KANK1: variants seen among roughly 807,000 people sequenced by gnomAD.
The protein encoded by KANK1 is KN motif and ankyrin repeat domain-containing protein 1.
Under a neutral mutation model 106.2 loss-of-function variants are expected in KANK1, and 109 were observed. The ratio of observed to expected loss-of-function variants is 1.03; its 90% CI spans 0.88 to 1.20. The LOEUF (loss-of-function observed/expected upper bound fraction) is 1.20. Among genes scored for constraint, KANK1 ranks in the 50% most tolerant of loss-of-function variants. KANK1 has a pLI of 0.00. For synonymous variants in KANK1, 873 were observed against 652.2 expected (o/e 1.34, Z -5.16); for missense variants, 2,399 against 1,710.7 (o/e 1.40, Z -7.10).
intron 1 of KANK1, among the ~76,000 whole-genome samples, chr9:675,927 C>A (rs1002000821): frequency 6.6e-6 from 1 of 152,156 alleles, no homozygotes; most frequent in East Asian, 1.9e-4. Flanking sequence ...GTGAGGGGTC[C>A]TCCCCTTTTT....
intron 3 of KANK1, among the ~76,000 whole-genome samples, chr9:729,341 G>A (rs1173916396): frequency 6.6e-6 from 1 of 152,186 alleles, no homozygotes; most frequent in Non-Finnish European, 1.5e-5. Flanking sequence ...GGCTGTGAGA[G>A]TTCAGGGCAA....
At chr9:653,378 C>T in intron 1 of KANK1, among the ~76,000 whole-genome samples, 1 of 152,006 alleles carries the variant, frequency 6.6e-6, no homozygotes, top group Non-Finnish European at 1.5e-5. Context: ...TTCTCACAAG[C>T]AGTTTTTAAG....
At chr9:574,581 G>A (rs922777970) in intron 1 of KANK1, among the ~76,000 whole-genome samples, 3 of 152,088 alleles carry the variant, frequency 2.0e-5, no homozygotes, top group African/African-American at 4.8e-5. Context: ...TCTCAGCCGC[G>A]CGTGGTGGCT....
intron 1 of KANK1, among the ~76,000 whole-genome samples, chr9:594,322 A>G (rs144566712): frequency 6.6e-6 from 1 of 151,950 alleles, no homozygotes; most frequent in Non-Finnish European, 1.5e-5. Flanking sequence ...CTAGGGGGAA[A>G]AGGCCAACAT....
chr9:533,173 T>C (rs2060144097), intron 1 of KANK1, among the ~76,000 whole-genome samples: 1 of 152,174 alleles, frequency 6.6e-6, no homozygotes. Flanking sequence ...AAAAAGGAGA[T>C]AATCATTAAT....
chr9:659,446 A>G (rs1350530907), intron 1 of KANK1, among the ~76,000 whole-genome samples: 2 of 152,124 alleles, frequency 1.3e-5, no homozygotes, highest in Non-Finnish European at 2.9e-5. Flanking sequence ...CAAAATTTGG[A>G]TTTCTAATAA....
rs375572005 is a variant in KANK1, at chr9:527,252, C to T, written c.-84+22498C>T. 7.9e-5 allele frequency among the ~76,000 whole-genome samples: 12 copies of T among 151,806 alleles called. No individual in the cohort carries two copies. The East Asian group carries it at 1.3e-3, about 17-fold the overall frequency. ...TCTTCCCTGGATACTATGGTATCCT[C>T]CTCCTTTGTGGTTTCTTTTGGTCTC... is the stretch of plus-strand genomic sequence containing the variant. On this transcript the variant is annotated intron_variant, in intron 1 of 11. Coordinates refer to ENST00000382297, the MANE Select transcript of KANK1 (RefSeq NM_015158.5).
chr9:726,599 A>G (rs12682774), intron 3 of KANK1, among the ~76,000 whole-genome samples: 8,192 of 151,944 alleles, frequency 0.054, 532 homozygotes, highest in East Asian at 0.19. Context: ...AGATCGCACC[A>G]CTGCACTGTA....
chr9:656,614 G>A (rs1476561919), intron 1 of KANK1, among the ~76,000 whole-genome samples: 5 of 152,094 alleles, frequency 3.3e-5, no homozygotes, highest in Non-Finnish European at 7.3e-5. Flanking sequence ...CATGGCAGAT[G>A]CCCCTACTCC....
chr9:618,499 T>C (rs115500560), intron 1 of KANK1, among the ~76,000 whole-genome samples: 4,441 of 152,254 alleles, frequency 0.029, 216 homozygotes, highest in African/African-American at 0.099. Context: ...TGAGCTACCA[T>C]GCCTGGCCCC....
chr9:485,688 C>T (rs1035668622), intron 3 of KANK1, among the ~76,000 whole-genome samples: 20 of 152,084 alleles, frequency 1.3e-4, no homozygotes, highest in African/African-American at 4.6e-4. Context: ...GCCCGGCCAA[C>T]ATGGTGGAAC....
chr9:566,942 A>G (rs1193917666), intron 1 of KANK1, among the ~76,000 whole-genome samples: 1 of 152,128 alleles, frequency 6.6e-6, no homozygotes, highest in East Asian at 1.9e-4. Flanking sequence ...TATGTCCGGA[A>G]TGGTATTGCT....
At chr9:721,388 T>C (rs192069315) in intron 3 of KANK1, among the ~76,000 whole-genome samples, 7 of 152,178 alleles carry the variant, frequency 4.6e-5, no homozygotes, top group Non-Finnish European at 8.8e-5. Flanking sequence ...AGATTCCTTA[T>C]GAAAAATGTC....
intron 3 of KANK1, among the ~76,000 whole-genome samples, chr9:479,025 C>G (rs934934897): frequency 6.6e-6 from 1 of 150,846 alleles, no homozygotes; most frequent in Non-Finnish European, 1.5e-5. Context: ...TTCAGCAATT[C>G]TCATGTTCAG....
chr9:491,723 T>A (rs952646512), intron 3 of KANK1, among the ~76,000 whole-genome samples: 19 of 152,268 alleles, frequency 1.2e-4, no homozygotes, highest in Admixed American at 1.2e-3. Flanking sequence ...TTTGGCTGTG[T>A]CCCCACCCAA....
At chr9:631,633 C>T (rs1264858800) in intron 1 of KANK1, among the ~76,000 whole-genome samples, 1 of 152,230 alleles carries the variant, frequency 6.6e-6, no homozygotes, top group Non-Finnish European at 1.5e-5. Context: ...AATATGGTGG[C>T]TTCTGAGCTC....
At chr9:703,409 T>C (rs545711873) in intron 2 of KANK1, among the ~76,000 whole-genome samples, 1 of 152,280 alleles carries the variant, frequency 6.6e-6, no homozygotes, top group Non-Finnish European at 1.5e-5. Context: ...CTCTTACTCC[T>C]TCCACTGAAT....
At chr9:706,273 C>T (rs1824131796) in intron 2 of KANK1, among the ~76,000 whole-genome samples, 1 of 152,128 alleles carries the variant, frequency 6.6e-6, no homozygotes, top group African/African-American at 2.4e-5. Flanking sequence ...CTTCTGATTC[C>T]CAGAAGTCCA....
Position 635,964 on chromosome 9 carries a change from C to G in KANK1, c.-83-40926C>G, listed in dbSNP as rs145848128. ...TGCTGGGATTACAGGTGTGAGCCAC[C>G]GTGCCTGGCTTTATTCCTTCTTAAT... On this transcript the variant is annotated intron_variant, in intron 1 of 11. Transcript: ENST00000382297. Among the ~76,000 whole-genome samples, 1,258 of 152,140 alleles carry G rather than the reference C, an allele frequency of 8.3e-3. 50 individuals carry two copies. Among genetic ancestry groups the G allele is most frequent in the East Asian group, 0.049 (255 of 5,174 alleles).
Sources: gnomAD v4.1 joint callset for allele counts (sites outside exome capture counted in the v4.1 genomes callset) on GRCh38, gnomAD v4.1.1 for gene constraint, MANE v1.5 for transcripts, NCBI Gene and HGNC (gene_info 2026-07-23, HGNC 2026-07-21) for gene names.